JMJD1C: variants seen among roughly 807,000 people sequenced by gnomAD.
The protein encoded by JMJD1C is jumonji domain containing 1C.
A neutral mutation model predicts 245.3 loss-of-function variants in JMJD1C; 31 were observed. That is an observed-to-expected ratio of 0.13 (90% CI 0.09 to 0.17). JMJD1C has a LOEUF of 0.17. JMJD1C is among the 10% of genes least tolerant of loss of function. The pLI is 1.00. For missense variants in JMJD1C, 2,691 were observed against 3,000.2 expected (o/e 0.90, Z 2.41); for synonymous variants, 1,057 against 1,017.4 (o/e 1.04, Z -0.74).
At chr10:63,265,798 G>T (rs1855495046) in intron 2 of JMJD1C, among the ~76,000 whole-genome samples, 1 of 152,160 alleles carries the variant, frequency 6.6e-6, no homozygotes, top group African/African-American at 2.4e-5. Flanking sequence ...AGGGTAATTT[G>T]TGTTAATATT....
intron 3 of JMJD1C, among the ~76,000 whole-genome samples, chr10:63,234,293 A>G (rs1850386172): frequency 6.6e-6 from 1 of 151,794 alleles, no homozygotes; most frequent in Non-Finnish European, 1.5e-5. Context: ...CCAGAGTTTG[A>G]GACCAGCCTG....
chr10:63,235,223 C>T (rs1265083368), intron 3 of JMJD1C, among the ~76,000 whole-genome samples: 1 of 152,096 alleles, frequency 6.6e-6, no homozygotes, highest in African/African-American at 2.4e-5. Context: ...CAGCCGGGCA[C>T]GGTGGCTCAT....
chr10:63,450,677 A>C (rs1317375992), intron 1 of JMJD1C, among the ~76,000 whole-genome samples: 1 of 152,202 alleles, frequency 6.6e-6, no homozygotes, highest in African/African-American at 2.4e-5. Context: ...ATACAGCATA[A>C]TGAAGGCCAG....
chr10:63,360,235 C>T lies in JMJD1C; in HGVS notation c.333+20083G>A, dbSNP rs188084949. ...TCTCACCTCAGCCTCCCCAGTAGCC[C>T]GCTAAGTCACAGCTACTTGGGAGGC... is the stretch of plus-strand genomic sequence containing the variant. On this transcript the variant is annotated intron_variant, in intron 2 of 25. Coordinates refer to ENST00000399262, the MANE Select transcript of JMJD1C (RefSeq NM_032776.3). Among the ~76,000 whole-genome samples, 235 of 152,116 alleles carry T rather than the reference C, an allele frequency of 1.5e-3. 1 individual carries two copies. In the Middle Eastern group the frequency reaches 0.017, roughly 11 times the overall value.
intron 13 of JMJD1C, 101 bp downstream of exon 13, chr10:63,197,310 A>C (rs1845566895): frequency 1.0e-6 from 1 of 1,001,174 alleles, no homozygotes; most frequent in African/African-American, 1.7e-5. Context: ...TAATACATTA[A>C]TAAGGAAAGT....
rs1848754428 is a variant in JMJD1C, at chr10:63,222,752, C to T, written c.448-2769G>A. ...TTATATAGGATTTAATGGTTGCTCA[C>T]TGAAAACTGAAACTAATTTGGAAGT... On this transcript the variant is annotated intron_variant, in intron 3 of 25. Transcript: ENST00000399262. The T allele has an allele frequency of 6.6e-6, 10 of 1,506,822 alleles. No homozygotes were observed. The East Asian group carries it at 2.3e-4, about 34-fold the overall frequency. 93.3% of individuals were successfully genotyped at this position (1,506,822 alleles called of 1,614,324 possible).
chr10:63,392,781 C>T (rs910827350), intron 1 of JMJD1C, among the ~76,000 whole-genome samples: 10 of 144,886 alleles, frequency 6.9e-5, no homozygotes, highest in Non-Finnish European at 1.3e-4. Context: ...GCCGAGATCA[C>T]GCCACTGCCC....
intron 2 of JMJD1C, among the ~76,000 whole-genome samples, chr10:63,360,493 A>G (rs1459690468): frequency 6.6e-6 from 1 of 152,242 alleles, no homozygotes; most frequent in Non-Finnish European, 1.5e-5. Context: ...TAATTTTAAA[A>G]CTTGGCTTGC....
At chr10:63,438,969 A>G (rs554433705) in intron 1 of JMJD1C, among the ~76,000 whole-genome samples, 24 of 152,178 alleles carry the variant, frequency 1.6e-4, no homozygotes, top group Non-Finnish European at 1.6e-4. Flanking sequence ...ACTGATTTCC[A>G]TAAGGGCAGC....
At chr10:63,181,980 G>A (rs1435160065) in intron 22 of JMJD1C, among the ~76,000 whole-genome samples, 1 of 152,204 alleles carries the variant, frequency 6.6e-6, no homozygotes, top group Non-Finnish European at 1.5e-5. Flanking sequence ...AATAGTGTCA[G>A]TTAAAAAGCT....
intron 1 of JMJD1C, among the ~76,000 whole-genome samples, chr10:63,408,667 T>C (rs896979483): frequency 5.9e-5 from 9 of 151,974 alleles, no homozygotes; most frequent in East Asian, 1.9e-4. Context: ...AGAATTAAGA[T>C]ATTTTCAGAT....
chr10:63,319,960 T>TTCACC (rs1940641287), intron 2 of JMJD1C, among the ~76,000 whole-genome samples: 1 of 152,172 alleles, frequency 6.6e-6, no homozygotes, highest in African/African-American at 2.4e-5. Flanking sequence ...GAGACAGGGT[T>TTCACC]TCACCATGTT....
intron 8 of JMJD1C, among the ~76,000 whole-genome samples, chr10:63,213,037 T>C (rs1210873684): frequency 6.6e-6 from 1 of 150,650 alleles, no homozygotes; most frequent in Non-Finnish European, 1.5e-5. Flanking sequence ...AATACAAAAA[T>C]CTGCCAGGCA....
At chr10:63,282,497 TGAAA>T (rs1372580803) in intron 2 of JMJD1C, among the ~76,000 whole-genome samples, 5 of 152,218 alleles carry the variant, frequency 3.3e-5, no homozygotes, top group African/African-American at 7.2e-5. Flanking sequence ...AAGACTATAC[TGAAA>T]GAGAGACCTT....
chr10:63,221,112 A>C (rs1312822284), intron 3 of JMJD1C, among the ~76,000 whole-genome samples: 1 of 151,788 alleles, frequency 6.6e-6, no homozygotes, highest in African/African-American at 2.4e-5. Context: ...CGTCTTAAAA[A>C]AAAAAAAAAA....
intron 1 of JMJD1C, among the ~76,000 whole-genome samples, chr10:63,501,260 G>C (rs1179539310): frequency 6.6e-6 from 1 of 152,146 alleles, no homozygotes; most frequent in African/African-American, 2.4e-5. Context: ...TAAAGGCATG[G>C]AATTTCACAG....
At chr10:63,283,837 T>TA (rs1330679453) in intron 2 of JMJD1C, among the ~76,000 whole-genome samples, 2 of 151,438 alleles carry the variant, frequency 1.3e-5, no homozygotes, top group African/African-American at 2.4e-5. Context: ...TAATTCAGTG[T>TA]AAAAAACAAA....
intron 1 of JMJD1C, among the ~76,000 whole-genome samples, chr10:63,392,947 AACAT>A (rs1445512345): frequency 6.6e-6 from 1 of 150,882 alleles, no homozygotes; most frequent in Non-Finnish European, 1.5e-5. Context: ...CTCAAAAGAC[AACAT>A]ACAAACAGCC....
At chr10:63,234,670 C>T (rs1850497196) in intron 3 of JMJD1C, among the ~76,000 whole-genome samples, 1 of 150,572 alleles carries the variant, frequency 6.6e-6, no homozygotes, top group African/African-American at 2.5e-5. Context: ...TGGTGGTTCA[C>T]GCTTGTAATC....
Sources: gnomAD v4.1 joint callset for allele counts (sites outside exome capture counted in the v4.1 genomes callset) on GRCh38, gnomAD v4.1.1 for gene constraint, MANE v1.5 for transcripts, NCBI Gene and HGNC (gene_info 2026-07-23, HGNC 2026-07-21) for gene names.